UNC5D: variants seen among roughly 807,000 people sequenced by gnomAD.
UNC5D encodes unc-5 netrin receptor D.
Under a neutral mutation model 105.4 loss-of-function variants are expected in UNC5D, and 39 were observed. The ratio of observed to expected loss-of-function variants is 0.37; its 90% CI spans 0.29 to 0.48. The LOEUF (loss-of-function observed/expected upper bound fraction) is 0.48. UNC5D is among the 20% of genes least tolerant of loss of function. UNC5D has a pLI of 0.98. For missense variants in UNC5D, 991 were observed against 1,202.4 expected (o/e 0.82, Z 2.60); for synonymous variants, 452 against 450.4 (o/e 1.00, Z -0.04).
intron 16 of UNC5D, among the ~76,000 whole-genome samples, chr8:35,789,178 T>C (rs1345885942): frequency 4.1e-5 from 4 of 97,934 alleles, no homozygotes; most frequent in Non-Finnish European, 6.0e-5. Context: ...TATATATATA[T>C]ATATATATAT....
chr8:35,465,176 A>T (rs1205634797), intron 1 of UNC5D, among the ~76,000 whole-genome samples: 1 of 152,202 alleles, frequency 6.6e-6, no homozygotes, highest in Non-Finnish European at 1.5e-5. Flanking sequence ...AGATTGTTTG[A>T]GTCCTGGGGT....
chr8:35,789,154 T>C (rs1306263885), intron 16 of UNC5D, among the ~76,000 whole-genome samples: 1 of 65,878 alleles, frequency 1.5e-5, no homozygotes, highest in African/African-American at 6.6e-5. Flanking sequence ...TATATATATA[T>C]ATATATATAT....
intron 7 of UNC5D, among the ~76,000 whole-genome samples, chr8:35,687,341 C>T (rs1826079722): frequency 6.6e-6 from 1 of 150,802 alleles, no homozygotes; most frequent in South Asian, 2.1e-4. Context: ...ACTCAGGAGG[C>T]TGAGGCAGGA....
At chr8:35,673,642 A>G (rs573638681) in intron 4 of UNC5D, among the ~76,000 whole-genome samples, 4 of 152,280 alleles carry the variant, frequency 2.6e-5, no homozygotes, top group South Asian at 4.1e-4. Flanking sequence ...TTGAATGACA[A>G]TATGTTCACT....
rs796767764 is a variant in UNC5D at position 35,263,983 on chromosome 8, G to A, written c.103+28096G>A. ...TGATTTTTTGCTATAATTAATACCA[G>A]TATTTATTTAATACATTTCTTAGAA... is the stretch of plus-strand genomic sequence containing the variant. On this transcript the variant is annotated intron_variant, in intron 1 of 16. Coordinates refer to ENST00000404895, the MANE Select transcript of UNC5D (RefSeq NM_080872.4). Among the ~76,000 whole-genome samples the A allele has an allele frequency of 3.4e-4, 52 of 152,246 alleles. 1 individual carries two copies. The highest frequency in any genetic ancestry group is 1.2e-3 in the African/African-American group (48 of 41,534).
intron 16 of UNC5D, among the ~76,000 whole-genome samples, chr8:35,777,629 C>G (rs1369644903): frequency 6.6e-6 from 1 of 152,098 alleles, no homozygotes; most frequent in African/African-American, 2.4e-5. Flanking sequence ...CACAACTACT[C>G]GGCAACATTC....
intron 4 of UNC5D, 96 bp downstream of exon 4, chr8:35,595,753 G>C (rs1488360526): frequency 9.4e-7 from 1 of 1,060,966 alleles, no homozygotes; most frequent in Admixed American, 2.3e-5. Flanking sequence ...AAGTAAAGGA[G>C]CCCATGTCTG....
At chr8:35,749,580 T>C (rs1290108971) in intron 12 of UNC5D, among the ~76,000 whole-genome samples, 1 of 152,224 alleles carries the variant, frequency 6.6e-6, no homozygotes, top group East Asian at 1.9e-4. Flanking sequence ...AACTAGTGTC[T>C]TGAAACTATT....
chr8:35,430,911 T>C (rs1806590231), intron 1 of UNC5D, among the ~76,000 whole-genome samples: 1 of 152,126 alleles, frequency 6.6e-6, no homozygotes, highest in Admixed American at 6.6e-5. Flanking sequence ...CACACATGCA[T>C]GCATGCACAA....
intron 1 of UNC5D, among the ~76,000 whole-genome samples, chr8:35,288,538 T>C (rs942390128): frequency 1.3e-5 from 2 of 152,182 alleles, no homozygotes; most frequent in Non-Finnish European, 2.9e-5. Flanking sequence ...CTCTTTGGTA[T>C]AAGTAATGCC....
chr8:35,713,436 T>G (rs182859587), intron 8 of UNC5D, among the ~76,000 whole-genome samples: 1 of 152,194 alleles, frequency 6.6e-6, no homozygotes, highest in Non-Finnish European at 1.5e-5. Flanking sequence ...TGTCTCCCCA[T>G]CTGATTGGCA....
chr8:35,370,563 T>C (rs899600966), intron 1 of UNC5D, among the ~76,000 whole-genome samples: 2 of 152,232 alleles, frequency 1.3e-5, no homozygotes, highest in Admixed American at 6.5e-5. Context: ...TTGTGCTGTT[T>C]GAATGTTGTA....
chr8:35,622,442 T>C (rs968350814), intron 4 of UNC5D, among the ~76,000 whole-genome samples: 6 of 152,202 alleles, frequency 3.9e-5, no homozygotes, highest in African/African-American at 1.2e-4. Flanking sequence ...CTTGATGCTA[T>C]GAGTCAGGTA....
At position 35,549,499 on chromosome 8, in the gene UNC5D, A is replaced by T; in HGVS notation, c.311A>T (p.Asp104Val). 1 of 1,611,742 alleles carries T rather than the reference A, an allele frequency of 6.2e-7. No individual in the cohort carries two copies. Among genetic ancestry groups the T allele is most frequent in the Non-Finnish European group, 8.5e-7 (1 of 1,179,754 alleles). Reference protein sequence around the residue: ...QNEHVSEETLDESSGLKVREV... With the variant: ...QNEHVSEETLVESSGLKVREV... ...GAGCACGTCTCTGAAGAGACTCTGG[A>T]CGAGAGCTCAGGTAGGAGCGTGCAG... Residue 104 changes from aspartate to valine, a missense_variant, in exon 2 of 17, where the codon GAC becomes GTC. By Grantham distance (152) the Asp-to-Val change is radical. Coordinates refer to ENST00000404895, the MANE Select transcript of UNC5D (RefSeq NM_080872.4).
chr8:35,567,782 A>G lies in UNC5D; in HGVS notation c.323-316A>G, dbSNP rs368694256. ...CCTCTTTGGCTTGGAGAATCCCAGC[A>G]ATCAACATTGTGTAAAATCTATGAG... is the stretch of plus-strand genomic sequence containing the variant. On this transcript the variant is annotated intron_variant, in intron 2 of 16. Transcript: ENST00000404895. Among the ~76,000 whole-genome samples, 8 of 152,294 alleles carry G rather than the reference A, an allele frequency of 5.3e-5. 1 individual carries two copies. Among genetic ancestry groups the G allele is most frequent in the African/African-American group, 1.7e-4 (7 of 41,562 alleles).
chr8:35,282,858 CT>C (rs1806292573), intron 1 of UNC5D, among the ~76,000 whole-genome samples: 1 of 152,090 alleles, frequency 6.6e-6, no homozygotes, highest in East Asian at 1.9e-4. Context: ...CTGATTAGGG[CT>C]TTTTACTTTT....
intron 1 of UNC5D, among the ~76,000 whole-genome samples, chr8:35,542,465 G>A (rs558217121): frequency 1.5e-4 from 23 of 152,280 alleles, no homozygotes; most frequent in Non-Finnish European, 3.1e-4. Context: ...ATTCTAAGGA[G>A]CATTACTCTA....
intron 7 of UNC5D, among the ~76,000 whole-genome samples, chr8:35,694,314 C>T (rs548267918): frequency 6.6e-6 from 1 of 152,168 alleles, no homozygotes; most frequent in East Asian, 1.9e-4. Context: ...CTAAATAGCC[C>T]TCAAAGCTCC....
intron 1 of UNC5D, among the ~76,000 whole-genome samples, chr8:35,318,161 C>T (rs1161331106): frequency 6.6e-6 from 1 of 152,056 alleles, no homozygotes; most frequent in Non-Finnish European, 1.5e-5. Flanking sequence ...CTGTCATTTT[C>T]ATGCGCTGCC....
Sources: gnomAD v4.1 joint callset for allele counts (sites outside exome capture counted in the v4.1 genomes callset) on GRCh38, gnomAD v4.1.1 for gene constraint, MANE v1.5 for transcripts, NCBI Gene and HGNC (gene_info 2026-07-23, HGNC 2026-07-21) for gene names.